Variants in DNAJC17 observed in about 807,000 individuals in gnomAD.
DNAJC17 encodes the protein DnaJ heat shock protein family (Hsp40) member C17, also known as dnaJ homolog subfamily C member 17.
DNAJC17 carries 35 observed loss-of-function variants against 48.1 expected under a neutral mutation model. That is an observed-to-expected ratio of 0.73 (90% CI 0.56 to 0.96). The LOEUF is 0.96. Ranked by LOEUF, DNAJC17 falls within the 50% of genes least tolerant of loss-of-function variation. DNAJC17 has a pLI of 0.00. For missense variants in DNAJC17, 355 were observed against 377.1 expected (o/e 0.94, Z 0.48); for synonymous variants, 117 against 142.7 (o/e 0.82, Z 1.28).
chr15:40,802,432 G>A (rs1271420671), intron 1 of DNAJC17, among the ~76,000 whole-genome samples: 1 of 152,168 alleles, frequency 6.6e-6, no homozygotes, highest in East Asian at 1.9e-4. Flanking sequence ...GCCTCTCGAA[G>A]TGCTGGGATT....
At chr15:40,788,460 G>T (rs1337446030) in intron 1 of DNAJC17, among the ~76,000 whole-genome samples, 1 of 152,194 alleles carries the variant, frequency 6.6e-6, no homozygotes, top group Non-Finnish European at 1.5e-5. Context: ...ACTTTGGGAG[G>T]CCGAGGTGGG....
rs1249520848 is a variant in DNAJC17, at chr15:40,770,822, C to G, written c.793-2760G>C. ...CCTACACAGCAGCCTACTCTGCCAC[C>G]CTGCCATCGGCGCTCTCTCTGTCGA... On this transcript the variant is annotated intron_variant, in intron 10 of 10. Transcript: ENST00000220496. The surrounding 1 kb of genome is among the most constrained non-coding windows in gnomAD (Gnocchi z 5.0). The G allele has an allele frequency of 6.4e-7, 1 of 1,551,102 alleles. No homozygotes were observed. The highest frequency in any genetic ancestry group is 8.7e-7 in the Non-Finnish European group (1 of 1,146,992).
Position 40,779,992 on chromosome 15 carries a change from C to T in DNAJC17, c.84G>A (p.Lys28=), listed in dbSNP as rs1417653262. The change falls in exon 2 of 11, where the codon AAG becomes AAA. Residue 28 remains lysine, a synonymous_variant. Coordinates refer to ENST00000220496, the MANE Select transcript of DNAJC17 (RefSeq NM_018163.3). The part of the protein sequence containing the change: ...IEEKAADKEV[K]KAYRQKALSC... ...AGAGGGCCTTCTGCCTATACGCCTTCTTTACCTGGAAGAGTCAGACAGAAG... is the reference window on the plus strand; with the variant it reads ...AGAGGGCCTTCTGCCTATACGCCTTTTTTACCTGGAAGAGTCAGACAGAAG... 33 of 1,613,884 alleles carry T rather than the reference C, an allele frequency of 2.0e-5. No individual in the cohort carries two copies. The highest frequency in any genetic ancestry group is 2.8e-5 in the Non-Finnish European group (33 of 1,179,988).
rs781697587 is a variant in DNAJC17, at chr15:40,773,823, C to A, written c.696G>T (p.Gln232His). ...ATVKAAELAV[Q>H]NEVGLVDNPL... is the part of the protein sequence containing the mutation. ...GGTTATCCACCAGGCCAACTTCATT[C>A]TGGACAGCCAGCTCCTGCCAAACAC... Residue 232 changes from glutamine to histidine, a missense_variant, in exon 10 of 11, where the codon CAG (glutamine) becomes CAT (histidine). Gln to His is a conservative substitution (Grantham distance 24, BLOSUM62 0). Coordinates refer to ENST00000220496, the MANE Select transcript of DNAJC17 (RefSeq NM_018163.3). The A allele has an allele frequency of 5.0e-6, 8 of 1,613,936 alleles. No homozygotes were observed. Among genetic ancestry groups the A allele is most frequent in the Non-Finnish European group, 5.9e-6 (7 of 1,179,890 alleles).
chr15:40,775,092 T>G lies in DNAJC17; in HGVS notation c.539A>C (p.Lys180Thr). The change falls in exon 8 of 11, where the codon AAG becomes ACG. Residue 180 changes from lysine (K) to threonine (T), a missense_variant. This residue lies in a region of DNAJC17 where 68 missense variants were observed against 109.5 expected (regional missense o/e 0.62). Coordinates refer to ENST00000220496, the MANE Select transcript of DNAJC17 (RefSeq NM_018163.3). ...TPKLKLKWKC[K>T]KEDESKGGYS... Reference sequence around the variant, plus strand: ...GCCACCTTTTGACTCATCCTCCTTCTTGCACTTCCATTTTAGCTGAAAAGA... The same window carrying G: ...GCCACCTTTTGACTCATCCTCCTTCGTGCACTTCCATTTTAGCTGAAAAGA... 6.2e-7 allele frequency: 1 copy of G among 1,614,182 alleles called. No individual in the cohort carries two copies. Among genetic ancestry groups the G allele is most frequent in the Non-Finnish European group, 8.5e-7 (1 of 1,180,034 alleles).
At position 40,770,321 on chromosome 15, in the gene DNAJC17, T is replaced by C; in HGVS notation, c.793-2259A>G. 3.0e-6 allele frequency: 2 copies of C among 656,976 alleles called. No homozygotes were observed. The highest frequency in any genetic ancestry group is 4.1e-5 in the South Asian group (2 of 48,554). 40.7% of individuals were successfully genotyped at this position (656,976 alleles called of 1,614,324 possible). On this transcript the variant is annotated intron_variant, in intron 10 of 10. Transcript: ENST00000220496. The surrounding 1 kb of genome is among the most constrained non-coding windows in gnomAD (Gnocchi z 5.0). ...CTCTCCTGGGCAAAAAAGTTCCTTC[T>C]TCCTGAGCCCTCCTCTCACCATCCA...
intron 9 of DNAJC17, 87 bp from the exon 10 acceptor site, chr15:40,773,924 GC>G: frequency 8.4e-7 from 1 of 1,195,206 alleles, no homozygotes; most frequent in Non-Finnish European, 1.2e-6. Flanking sequence ...AACGGAACCA[GC>G]GTTCTAGCCC....
chr15:40,783,617 G>A (rs148412870), intron 1 of DNAJC17, among the ~76,000 whole-genome samples: 138 of 152,218 alleles, frequency 9.1e-4, no homozygotes, highest in Admixed American at 1.8e-3. Flanking sequence ...TAATCCCATC[G>A]CTGTGGGAGG....
At position 40,767,337 on chromosome 15, in the gene DNAJC17, G is replaced by A; in HGVS notation, c.*603C>T. ...TGGGCCAGACGCTGGTGTGGTGTCT[G>A]CACAAGGAGTGACCTTCTCATGCTG... On this transcript the variant is annotated 3_prime_UTR_variant, in exon 11 of 11. Coordinates refer to ENST00000220496, the MANE Select transcript of DNAJC17 (RefSeq NM_018163.3). The A allele has an allele frequency of 6.3e-7, 1 of 1,599,800 alleles. No homozygotes were observed. Among genetic ancestry groups the A allele is most frequent in the East Asian group, 2.3e-5 (1 of 43,610 alleles).
At chr15:40,806,220 CT>C (rs34520548) in intron 1 of DNAJC17, among the ~76,000 whole-genome samples, 32,865 of 122,400 alleles carry the variant, frequency 0.27, 3,413 homozygotes, top group South Asian at 0.39. Context: ...TTTTTTTTTC[CT>C]TTTTTTTTTT....
At chr15:40,776,862 C>T (rs1889341409) in intron 4 of DNAJC17, 1 of 509,838 alleles carries the variant, frequency 2.0e-6, no homozygotes, top group Non-Finnish European at 3.6e-6. Flanking sequence ...AAAAACAGCT[C>T]ACACTGACCA....
At chr15:40,782,596 G>A (rs1293064485) in intron 1 of DNAJC17, among the ~76,000 whole-genome samples, 2 of 151,988 alleles carry the variant, frequency 1.3e-5, no homozygotes, top group African/African-American at 4.8e-5. Context: ...TGCTTGGTGT[G>A]TGTTACCTGC....
chr15:40,779,736 C>T, intron 2 of DNAJC17, 133 bp from the exon 3 acceptor site: 1 of 1,161,336 alleles, frequency 8.6e-7, no homozygotes, highest in South Asian at 1.4e-5. Context: ...AGATGACAGA[C>T]CAACAAGGAG....
At position 40,770,365 on chromosome 15, in the gene DNAJC17, G is replaced by T. The variant is rs1596071986; in HGVS notation, c.793-2303C>A. ...CCATCCAAGATGTGGTCAAAGGTCT[G>T]TGCTGAGTGGAAACCCTGAGGCCTC... On this transcript the variant is annotated intron_variant, in intron 10 of 10. Transcript: ENST00000220496. This position sits in a 1 kb window ranked among gnomAD's most constrained non-coding sequence, Gnocchi z 5.0. 2.3e-6 allele frequency: 2 copies of T among 867,528 alleles called. No individual in the cohort carries two copies. Among genetic ancestry groups the T allele is most frequent in the Non-Finnish European group, 1.7e-6 (1 of 577,984 alleles). 53.7% of individuals were successfully genotyped at this position (867,528 alleles called of 1,614,324 possible).
At chr15:40,804,619 A>T (rs1343589156) in intron 1 of DNAJC17, among the ~76,000 whole-genome samples, 1 of 152,188 alleles carries the variant, frequency 6.6e-6, no homozygotes, top group Non-Finnish European at 1.5e-5. Flanking sequence ...AAATAAAAAA[A>T]AAATAAAATC....
intron 1 of DNAJC17, among the ~76,000 whole-genome samples, chr15:40,800,746 G>C (rs558403788): frequency 6.6e-6 from 1 of 151,564 alleles, no homozygotes; most frequent in South Asian, 2.1e-4. Flanking sequence ...CAGCACTTTG[G>C]TCAGGAGTTC....
rs1889862057 is a variant in DNAJC17, at chr15:40,793,370, G to C, written c.79-13373C>G. 2.0e-5 allele frequency among the ~76,000 whole-genome samples: 3 copies of C among 152,148 alleles called. No individual in the cohort carries two copies. In the South Asian group the frequency reaches 6.2e-4, roughly 32 times the overall value. The stretch of plus-strand genomic sequence containing the variant: ...CACTGAGTATATAACTGTGTGAGCT[G>C]TCAGAAGTCAGAAGTGGTATCTTAC... On this transcript the variant is annotated intron_variant, in intron 1 of 10. Coordinates refer to ENST00000220496, the MANE Select transcript of DNAJC17 (RefSeq NM_018163.3).
chr15:40,770,747 C>T lies in DNAJC17; in HGVS notation c.793-2685G>A. On this transcript the variant is annotated intron_variant, in intron 10 of 10. Transcript: ENST00000220496. The surrounding 1 kb of genome is among the most constrained non-coding windows in gnomAD (Gnocchi z 5.0). ...TGCTGGCCCCACCCAAGCCCCCACG[C>T]CTCTACCGAGAGAGCTCAAGCTGCC... 6.5e-7 allele frequency: 1 copy of T among 1,545,640 alleles called. No homozygotes were observed. The highest frequency in any genetic ancestry group is 8.7e-7 in the Non-Finnish European group (1 of 1,146,944).
intron 1 of DNAJC17, among the ~76,000 whole-genome samples, chr15:40,798,477 C>A (rs1165247376): frequency 1.3e-5 from 2 of 152,148 alleles, no homozygotes; most frequent in South Asian, 2.1e-4. Flanking sequence ...ATCCTTTAAT[C>A]AAAAAGGATT....
Sources: allele counts gnomAD v4.1 joint callset (sites outside exome capture counted in the v4.1 genomes callset), GRCh38; gene constraint gnomAD v4.1.1; regional missense constraint gnomAD v4.1.1; non-coding constraint Gnocchi (gnomAD v3.1); transcripts MANE v1.5; gene names NCBI Gene and HGNC (gene_info 2026-07-23, HGNC 2026-07-21).